CNTNAP5: variants seen among roughly 807,000 people sequenced by gnomAD.
CNTNAP5 encodes contactin-associated protein-like 5.
In CNTNAP5, 72 loss-of-function variants were observed where a neutral mutation model predicts 150.2. The ratio of observed to expected loss-of-function variants is 0.48; its 90% confidence interval spans 0.40 to 0.58. The LOEUF is 0.58. Ranked by LOEUF, CNTNAP5 falls within the 20% of genes least tolerant of loss-of-function variation. The probability of loss-of-function intolerance (pLI) is 0.00; values close to 1 mark genes in which losing one functional copy is unlikely to be tolerated. For missense variants in CNTNAP5, 1,636 were observed against 1,626.2 expected (o/e 1.01, Z -0.10); for synonymous variants, 672 against 619.8 (o/e 1.08, Z -1.25).
chr2:124,746,452 C>T (rs572822918), intron 13 of CNTNAP5, among the ~76,000 whole-genome samples: 1 of 152,288 alleles, frequency 6.6e-6, no homozygotes, highest in East Asian at 1.9e-4. Flanking sequence ...TTAAATATAA[C>T]CTTCACAAGG....
chr2:124,295,602 T>G (rs763925161), intron 3 of CNTNAP5, among the ~76,000 whole-genome samples: 2 of 152,260 alleles, frequency 1.3e-5, no homozygotes. Context: ...GAGTTTTCAT[T>G]AATTGACTTA....
chr2:124,485,999 T>A (rs892093734), intron 7 of CNTNAP5, among the ~76,000 whole-genome samples: 12 of 152,136 alleles, frequency 7.9e-5, no homozygotes, highest in African/African-American at 2.9e-4. Context: ...GAAAGACACT[T>A]GGACTTGCAT....
intron 21 of CNTNAP5, among the ~76,000 whole-genome samples, chr2:124,885,738 A>G (rs980429678): frequency 6.6e-6 from 1 of 152,094 alleles, no homozygotes; most frequent in Non-Finnish European, 1.5e-5. Context: ...TTTGTATCTC[A>G]CTTCTTTCAC....
chr2:124,277,120 C>T (rs1159996720), intron 3 of CNTNAP5, among the ~76,000 whole-genome samples: 1 of 152,130 alleles, frequency 6.6e-6, no homozygotes, highest in Admixed American at 6.6e-5. Context: ...CCCTGAAACC[C>T]AACCAAGAAC....
intron 1 of CNTNAP5, among the ~76,000 whole-genome samples, chr2:124,154,374 C>A (rs1228730723): frequency 1.3e-5 from 2 of 152,030 alleles, no homozygotes; most frequent in Non-Finnish European, 2.9e-5. Flanking sequence ...AAGGGCATGG[C>A]AAAATGGGTG....
intron 13 of CNTNAP5, among the ~76,000 whole-genome samples, chr2:124,744,316 C>T (rs1193987816): frequency 2.0e-5 from 3 of 152,140 alleles, no homozygotes; most frequent in African/African-American, 7.2e-5. Flanking sequence ...TTTTGCCTTC[C>T]ACCATGACGG....
chr2:124,802,336 T>A (rs1681988134), intron 19 of CNTNAP5, among the ~76,000 whole-genome samples: 1 of 152,358 alleles, frequency 6.6e-6, no homozygotes, highest in South Asian at 2.1e-4. Flanking sequence ...TTGGAATTCT[T>A]CTGTGCCCTT....
At chr2:124,578,736 G>A (rs1024889759) in intron 11 of CNTNAP5, among the ~76,000 whole-genome samples, 1 of 152,106 alleles carries the variant, frequency 6.6e-6, no homozygotes, top group Non-Finnish European at 1.5e-5. Context: ...TCACACCACT[G>A]CATTCCAGCC....
chr2:124,219,823 A>G (rs929601838), intron 1 of CNTNAP5, among the ~76,000 whole-genome samples: 4 of 152,186 alleles, frequency 2.6e-5, no homozygotes, highest in South Asian at 2.1e-4. Context: ...TGTCACCTGT[A>G]TCTTCTGCCA....
At chr2:124,102,896 G>A (rs1457194431) in intron 1 of CNTNAP5, among the ~76,000 whole-genome samples, 2 of 152,150 alleles carry the variant, frequency 1.3e-5, no homozygotes, top group Non-Finnish European at 2.9e-5. Flanking sequence ...CTTATGTGTG[G>A]CTCTTATTTA....
intron 13 of CNTNAP5, among the ~76,000 whole-genome samples, chr2:124,706,583 T>G (rs144620747): frequency 0.016 from 2,398 of 151,632 alleles, 71 homozygotes; most frequent in African/African-American, 0.055. Context: ...CCCATCTCTA[T>G]AAAATATACA....
chr2:124,622,025 G>A (rs191253406), intron 12 of CNTNAP5, among the ~76,000 whole-genome samples: 2 of 152,016 alleles, frequency 1.3e-5, no homozygotes, highest in Admixed American at 6.6e-5. Context: ...ATAGGTAAAC[G>A]TGTGCCGTGA....
chr2:124,759,886 C>A (rs1680921258), intron 14 of CNTNAP5, among the ~76,000 whole-genome samples: 1 of 148,794 alleles, frequency 6.7e-6, no homozygotes, highest in Non-Finnish European at 1.5e-5. Flanking sequence ...TGGTTGGCAG[C>A]CAAATGACCT....
intron 12 of CNTNAP5, among the ~76,000 whole-genome samples, chr2:124,647,465 A>G (rs932504778): frequency 6.6e-6 from 1 of 152,134 alleles, no homozygotes; most frequent in African/African-American, 2.4e-5. Context: ...ACATAGCGGT[A>G]TTGCTTCACT....
intron 2 of CNTNAP5, among the ~76,000 whole-genome samples, chr2:124,231,052 C>A (rs1479087141): frequency 1.3e-5 from 2 of 152,140 alleles, no homozygotes; most frequent in Admixed American, 6.5e-5. Flanking sequence ...CTGGGACATC[C>A]ACCAGGAGCT....
chr2:124,327,626 C>T (rs1032179255), intron 3 of CNTNAP5, among the ~76,000 whole-genome samples: 1 of 152,196 alleles, frequency 6.6e-6, no homozygotes, highest in African/African-American at 2.4e-5. Context: ...TCCACAACTC[C>T]TTATTGTAAC....
At chr2:124,769,805 C>T (rs1301753024) in intron 16 of CNTNAP5, among the ~76,000 whole-genome samples, 3 of 152,126 alleles carry the variant, frequency 2.0e-5, no homozygotes, top group Admixed American at 2.0e-4. Flanking sequence ...CCAGACTCTG[C>T]CCCACCCACA....
chr2:124,281,427 C>T (rs1360172079), intron 3 of CNTNAP5, among the ~76,000 whole-genome samples: 2 of 152,104 alleles, frequency 1.3e-5, no homozygotes, highest in African/African-American at 4.8e-5. Flanking sequence ...AAAGAGTATT[C>T]TAAATTGCTG....
At chr2:124,721,609 G>A (rs1036429646) in intron 13 of CNTNAP5, among the ~76,000 whole-genome samples, 1 of 151,774 alleles carries the variant, frequency 6.6e-6, no homozygotes, top group Non-Finnish European at 1.5e-5. Flanking sequence ...AGACATTAAG[G>A]TCAGCAGGTT....
Sources: gnomAD v4.1 joint callset for allele counts (sites outside exome capture counted in the v4.1 genomes callset) on GRCh38, gnomAD v4.1.1 for gene constraint, MANE v1.5 for transcripts, NCBI Gene and HGNC (gene_info 2026-07-23, HGNC 2026-07-21) for gene names.